The following PLCL1 variants were observed in gnomAD, a reference collection of about 807,000 sequenced individuals.
The protein encoded by PLCL1 is inactive phospholipase C-like protein 1.
PLCL1 carries 41 observed loss-of-function variants against 84.4 expected under a neutral mutation model. That is an observed-to-expected ratio of 0.49 (90% CI 0.38 to 0.63). PLCL1 has a LOEUF of 0.63. Among genes scored for constraint, PLCL1 ranks in the 30% least tolerant of loss-of-function variants. The probability of loss-of-function intolerance (pLI) is 0.00; values close to 1 mark genes in which losing one functional copy is unlikely to be tolerated. For synonymous variants in PLCL1, 490 were observed against 488.3 expected, an observed-to-expected ratio of 1.00 and a Z score of -0.05; for missense variants, 1,206 against 1,367.8, an observed-to-expected ratio of 0.88 and a Z score of 1.87.
At chr2:198,122,478 G>C (rs1693892125) in intron 5 of PLCL1, among the ~76,000 whole-genome samples, 1 of 151,928 alleles carries the variant, frequency 6.6e-6, no homozygotes, top group African/African-American at 2.4e-5. Flanking sequence ...CATATATCTA[G>C]TGCCATAAAT....
At chr2:197,967,982 C>A (rs1319493474) in intron 1 of PLCL1, among the ~76,000 whole-genome samples, 1 of 152,116 alleles carries the variant, frequency 6.6e-6, no homozygotes, top group East Asian at 1.9e-4. Context: ...GTAGCTTCCC[C>A]CTGGTGATGT....
rs755068243 is a variant in PLCL1, at chr2:198,086,195, C to T, written c.2678C>T (p.Pro893Leu). 4 of 1,613,108 alleles carry T rather than the reference C, an allele frequency of 2.5e-6. No homozygotes were observed. In the African/African-American group the frequency reaches 4.0e-5, roughly 16 times the overall value. ...IDDIFKIAVH[P>L]LREAIDMREN... ...GACATCTTTAAAATAGCGGTTCATC[C>T]ATTACGAGAAGCCATAGATATGAGA... Residue 893 changes from proline to leucine, a missense_variant, in exon 2 of 6, where the codon CCA (proline) becomes CTA (leucine). Physicochemically the swap from Pro to Leu is moderately conservative, Grantham distance 98. Transcript: ENST00000428675.
chr2:197,983,409 T>G (rs1030064193), intron 1 of PLCL1, among the ~76,000 whole-genome samples: 6 of 151,924 alleles, frequency 3.9e-5, no homozygotes, highest in African/African-American at 1.2e-4. Flanking sequence ...TTTAAAAAAC[T>G]TTTTGTAGAG....
intron 5 of PLCL1, among the ~76,000 whole-genome samples, chr2:198,129,899 A>G (rs890428872): frequency 6.6e-6 from 1 of 152,046 alleles, no homozygotes; most frequent in Non-Finnish European, 1.5e-5. Context: ...GTCACCAATA[A>G]CCACCTTGTC....
intron 1 of PLCL1, among the ~76,000 whole-genome samples, chr2:198,032,519 A>G (rs1691452933): frequency 6.6e-6 from 1 of 152,190 alleles, no homozygotes; most frequent in Non-Finnish European, 1.5e-5. Flanking sequence ...TAAATTAAAC[A>G]ATTTGCTAAG....
chr2:198,129,743 C>T (rs1310708503), intron 5 of PLCL1, among the ~76,000 whole-genome samples: 2 of 152,080 alleles, frequency 1.3e-5, no homozygotes, highest in Admixed American at 6.6e-5. Context: ...CATCTCCTTC[C>T]TCTTTCTATC....
chr2:198,145,734 T>G (rs1022301462), intron 5 of PLCL1, among the ~76,000 whole-genome samples: 5 of 152,242 alleles, frequency 3.3e-5, no homozygotes, highest in Non-Finnish European at 7.3e-5. Context: ...TATTCCAAGC[T>G]TTTGTAAAAT....
chr2:198,036,919 G>A (rs1691563691), intron 1 of PLCL1, among the ~76,000 whole-genome samples: 1 of 152,178 alleles, frequency 6.6e-6, no homozygotes, highest in Non-Finnish European at 1.5e-5. Flanking sequence ...CAACATCCCA[G>A]AGGCTGGATC....
intron 1 of PLCL1, among the ~76,000 whole-genome samples, chr2:197,983,030 T>A (rs190004250): frequency 6.6e-6 from 1 of 151,958 alleles, no homozygotes; most frequent in Non-Finnish European, 1.5e-5. Flanking sequence ...AGATTTTAGT[T>A]CATTATTTAG....
intron 1 of PLCL1, among the ~76,000 whole-genome samples, chr2:197,814,044 A>G (rs1325490457): frequency 6.6e-6 from 1 of 152,234 alleles, no homozygotes; most frequent in Non-Finnish European, 1.5e-5. Context: ...TTCCTTTCAC[A>G]TAAAATACCT....
intron 1 of PLCL1, among the ~76,000 whole-genome samples, chr2:197,903,284 T>A (rs908442068): frequency 6.6e-6 from 1 of 152,098 alleles, no homozygotes; most frequent in African/African-American, 2.4e-5. Context: ...AACGCATGGA[T>A]TTGCTTATGT....
chr2:198,097,248 A>G (rs1693223299), intron 3 of PLCL1, among the ~76,000 whole-genome samples: 1 of 152,162 alleles, frequency 6.6e-6, no homozygotes, highest in Admixed American at 6.6e-5. Context: ...ATGTCTTTGG[A>G]CACATTTTCT....
Position 197,992,265 on chromosome 2 carries a change from T to C in PLCL1, c.241-91493T>C, listed in dbSNP as rs542431188. Among the ~76,000 whole-genome samples, 40 of 152,216 alleles carry C rather than the reference T, an allele frequency of 2.6e-4. No homozygotes were observed. In the South Asian group the frequency reaches 2.9e-3, roughly 11 times the overall value. ...CAAATTCATCATTTTAACTATTAAA[T>C]TAAATTAATTTATTTTTGAGACAGG... is the stretch of plus-strand genomic sequence containing the variant. On this transcript the variant is annotated intron_variant, in intron 1 of 5. Coordinates refer to ENST00000428675, the MANE Select transcript of PLCL1 (RefSeq NM_006226.4).
chr2:198,049,575 A>C (rs909964884), intron 1 of PLCL1, among the ~76,000 whole-genome samples: 1 of 152,130 alleles, frequency 6.6e-6, no homozygotes, highest in Non-Finnish European at 1.5e-5. Flanking sequence ...AATTTTCTTA[A>C]GGGGGTTAGG....
At chr2:198,103,555 T>C (rs1478676052) in intron 4 of PLCL1, among the ~76,000 whole-genome samples, 1 of 152,026 alleles carries the variant, frequency 6.6e-6, no homozygotes, top group Non-Finnish European at 1.5e-5. Flanking sequence ...TTTGTACCCA[T>C]AGAATTTACT....
chr2:197,978,109 G>A (rs548360232), intron 1 of PLCL1, among the ~76,000 whole-genome samples: 14 of 152,286 alleles, frequency 9.2e-5, no homozygotes, highest in Middle Eastern at 3.4e-3. Context: ...GAGTAAATCC[G>A]CACTTTGTTC....
rs1690349035 is a variant in PLCL1, at chr2:197,991,687, GC to G, written c.241-92070del. Among the ~76,000 whole-genome samples the G allele has an allele frequency of 5.9e-5, 9 of 152,246 alleles. No individual in the cohort carries two copies. In the South Asian group the frequency reaches 1.9e-3, roughly 32 times the overall value. On this transcript the variant is annotated intron_variant, in intron 1 of 5. Coordinates refer to ENST00000428675, the MANE Select transcript of PLCL1 (RefSeq NM_006226.4). ...AACTTCAGAATTTATTGAAGTTAAA[GC>G]TTCCCCTTTCTCCCAGTGCAGGACT...
At chr2:197,904,464 G>C (rs1387834484) in intron 1 of PLCL1, among the ~76,000 whole-genome samples, 1 of 152,108 alleles carries the variant, frequency 6.6e-6, no homozygotes, top group African/African-American at 2.4e-5. Context: ...GTAAAATTTG[G>C]CTTAATGGAT....
intron 5 of PLCL1, among the ~76,000 whole-genome samples, chr2:198,145,797 A>G (rs1694503044): frequency 6.6e-6 from 1 of 152,226 alleles, no homozygotes; most frequent in Non-Finnish European, 1.5e-5. Flanking sequence ...CTTTCATAAA[A>G]TAGGTAAATT....
Sources: gnomAD v4.1 joint callset for allele counts (sites outside exome capture counted in the v4.1 genomes callset) on GRCh38, gnomAD v4.1.1 for gene constraint, MANE v1.5 for transcripts, NCBI Gene and HGNC (gene_info 2026-07-23, HGNC 2026-07-21) for gene names.